The following PCYT1B variants were observed in gnomAD, a reference collection of about 807,000 sequenced individuals.
The protein encoded by PCYT1B is choline-phosphate cytidylyltransferase B.
In PCYT1B, 10 loss-of-function variants were observed where a neutral mutation model predicts 26.4. The ratio of observed to expected loss-of-function variants is 0.38; its 90% CI spans 0.23 to 0.64. The LOEUF (loss-of-function observed/expected upper bound fraction) is 0.64. Ranked by LOEUF, PCYT1B falls within the 30% of genes least tolerant of loss-of-function variation. The probability of loss-of-function intolerance (pLI) is 0.56; values close to 1 mark genes in which losing one functional copy is unlikely to be tolerated. For missense variants in PCYT1B, 161 were observed against 292.7 expected (o/e 0.55, Z 3.28); for synonymous variants, 131 against 108.4 (o/e 1.21, Z -1.29).
rs187267780 is a variant in PCYT1B, at chrX:24,633,531, G to A, written c.117+13458C>T. On this transcript the variant is annotated intron_variant, in intron 1 of 7. Coordinates refer to ENST00000379144, the MANE Select transcript of PCYT1B (RefSeq NM_004845.5). ...CTACTAAAAAATACAAAAATTAGCCGGGCGTCGTTACATGCGCCTGTAATC... is the reference window on the plus strand; with the variant it reads ...CTACTAAAAAATACAAAAATTAGCCAGGCGTCGTTACATGCGCCTGTAATC... Among the ~76,000 whole-genome samples, 327 of 110,209 alleles carry A rather than the reference G, an allele frequency of 3.0e-3. 3 individuals carry two copies. The highest frequency in any genetic ancestry group is 9.8e-3 in the African/African-American group (296 of 30,229).
At chrX:24,672,400 T>G (rs1381719811) in intron 1 of PCYT1B, among the ~76,000 whole-genome samples, 1 of 111,859 alleles carries the variant, frequency 8.9e-6, no homozygotes, top group Non-Finnish European at 1.9e-5. Context: ...AATTTGTTTT[T>G]CTTTGTCTTT....
At chrX:24,631,482 T>C (rs932209220) in intron 1 of PCYT1B, among the ~76,000 whole-genome samples, 1 of 111,474 alleles carries the variant, frequency 9.0e-6, no homozygotes, top group African/African-American at 3.3e-5. Flanking sequence ...CCTTGAATAA[T>C]GTCATTTTGT....
intron 3 of PCYT1B, among the ~76,000 whole-genome samples, chrX:24,600,358 G>T (rs1924920159): frequency 1.8e-5 from 2 of 111,410 alleles, no homozygotes; most frequent in Non-Finnish European, 3.8e-5. Flanking sequence ...GAGAACTGAG[G>T]TCACAGGGCA....
At chrX:24,581,953 A>G (rs892451024) in intron 5 of PCYT1B, among the ~76,000 whole-genome samples, 2 of 112,846 alleles carry the variant, frequency 1.8e-5, no homozygotes, top group Non-Finnish European at 3.7e-5. Context: ...GTCAGAGGAC[A>G]GTTGGGGTTT....
intron 2 of PCYT1B, among the ~76,000 whole-genome samples, chrX:24,609,171 C>CT (rs779135564): frequency 7.7e-4 from 81 of 105,343 alleles, no homozygotes; most frequent in African/African-American, 1.5e-3. Context: ...GTTTTGTTTT[C>CT]TTTTTTTTTT....
rs370932836 is a variant in PCYT1B at position 24,580,628 on chromosome X, G to A, written c.566-1170C>T. On this transcript the variant is annotated intron_variant, in intron 5 of 7. Coordinates refer to ENST00000379144, the MANE Select transcript of PCYT1B (RefSeq NM_004845.5). Reference sequence around the variant, plus strand: ...TTAAAGTCTTCAAAGATAAATGTGGGTATATCAACAGATATAGAGCTATAA... The same window carrying A: ...TTAAAGTCTTCAAAGATAAATGTGGATATATCAACAGATATAGAGCTATAA... Among the ~76,000 whole-genome samples the A allele has an allele frequency of 2.0e-4, 22 of 112,049 alleles. No individual in the cohort carries two copies. The South Asian group carries it at 8.3e-3, about 42-fold the overall frequency.
At chrX:24,648,384 T>C (rs1336599082), upstream of PCYT1B, among the ~76,000 whole-genome samples, 1 of 108,615 alleles carries the variant, frequency 9.2e-6, no homozygotes, top group Non-Finnish European at 1.9e-5. Flanking sequence ...ATCCTATTGT[T>C]ATCCTCATTT....
chrX:24,575,367 A>G (rs772974871), intron 6 of PCYT1B, 49 bp from the exon 7 acceptor site: 17 of 914,439 alleles, frequency 1.9e-5, no homozygotes, highest in Non-Finnish European at 2.4e-5. Flanking sequence ...CCAAGAGGAC[A>G]TGAGAGAGAT....
chrX:24,562,902 T>C lies in PCYT1B; in HGVS notation c.898-397A>G, dbSNP rs61762690. ...GCCACCATGCCCGGCTAATTTTGTA[T>C]TTTTAGTAGAAACGGGGTTTCACCA... is the stretch of plus-strand genomic sequence containing the variant. On this transcript the variant is annotated intron_variant, in intron 7 of 7. Coordinates refer to ENST00000379144, the MANE Select transcript of PCYT1B (RefSeq NM_004845.5). Among the ~76,000 whole-genome samples the C allele has an allele frequency of 4.8e-3, 535 of 110,328 alleles. 3 individuals are homozygous for C. The highest frequency in any genetic ancestry group is 0.017 in the African/African-American group (511 of 30,303).
intron 1 of PCYT1B, among the ~76,000 whole-genome samples, chrX:24,643,778 C>A (rs146371030): frequency 8.9e-6 from 1 of 112,140 alleles, no homozygotes; most frequent in East Asian, 2.8e-4. Flanking sequence ...TATTCACTCA[C>A]GTATGCCAGC....
Position 24,589,809 on chromosome X carries a change from G to A in PCYT1B, c.486+214C>T, listed in dbSNP as rs61761906. Among the ~76,000 whole-genome samples, 755 of 111,314 alleles carry A rather than the reference G, an allele frequency of 6.8e-3. 8 individuals are homozygous for A. Among genetic ancestry groups the A allele is most frequent in the African/African-American group, 0.024 (729 of 30,626 alleles). ...ATAGAGGCAGGATTTGGACCTGGGCGGTTTAGATCCAGGGCCCACACTCAA... is the reference window on the plus strand; with the variant it reads ...ATAGAGGCAGGATTTGGACCTGGGCAGTTTAGATCCAGGGCCCACACTCAA... On this transcript the variant is annotated intron_variant, in intron 4 of 7. Coordinates refer to ENST00000379144, the MANE Select transcript of PCYT1B (RefSeq NM_004845.5).
rs947734427 is a variant in PCYT1B at position 24,573,420 on chromosome X, C to T, written c.897+1710G>A. Reference sequence around the variant, plus strand: ...ACCTCAGGTAATCCATCCACTTCGGCCTCCCAAAGTGGGAAATTACATTTT... The same window carrying T: ...ACCTCAGGTAATCCATCCACTTCGGTCTCCCAAAGTGGGAAATTACATTTT... On this transcript the variant is annotated intron_variant, in intron 7 of 7. Transcript: ENST00000379144. Among the ~76,000 whole-genome samples the T allele has an allele frequency of 4.5e-5, 5 of 111,239 alleles. No homozygotes were observed. The East Asian group carries it at 1.4e-3, about 31-fold the overall frequency.
At chrX:24,593,280 A>G (rs1257147859) in intron 3 of PCYT1B, among the ~76,000 whole-genome samples, 1 of 110,634 alleles carries the variant, frequency 9.0e-6, no homozygotes, top group Non-Finnish European at 1.9e-5. Flanking sequence ...AATATTTATT[A>G]TTATTTACAA....
At chrX:24,587,638 T>C (rs1924413469) in intron 4 of PCYT1B, among the ~76,000 whole-genome samples, 1 of 111,866 alleles carries the variant, frequency 8.9e-6, no homozygotes, top group Non-Finnish European at 1.9e-5. Context: ...ACTCATTAAT[T>C]CTTTGAATTT....
At chrX:24,657,634 G>A (rs1250803563) in intron 1 of PCYT1B, among the ~76,000 whole-genome samples, 1 of 111,678 alleles carries the variant, frequency 9.0e-6, no homozygotes, top group Non-Finnish European at 1.9e-5. Flanking sequence ...GACCTTCAAG[G>A]TTAATAATCT....
At position 24,560,443 on chromosome X, in the gene PCYT1B, A is replaced by G. The variant is rs1219338043; in HGVS notation, c.*1850T>C. 1 of 111,847 alleles carries G rather than the reference A, an allele frequency of 8.9e-6. No individual in the cohort carries two copies. The highest frequency in any genetic ancestry group is 1.9e-5 in the Non-Finnish European group (1 of 53,159). 9.2% of individuals were successfully genotyped at this position (111,847 alleles called of 1,213,427 possible). On this transcript the variant is annotated 3_prime_UTR_variant, in exon 8 of 8. Coordinates refer to ENST00000379144, the MANE Select transcript of PCYT1B (RefSeq NM_004845.5). ...GGCCCTTGTCCCTCTCTGAAGAGCA[A>G]TATTCTGGGTGGCCCTTGACTGCAA...
chrX:24,632,705 A>G (rs770391780), intron 1 of PCYT1B: 2 of 112,570 alleles, frequency 1.8e-5, no homozygotes, highest in African/African-American at 6.5e-5. Flanking sequence ...GAGCTAAACA[A>G]GTTGATCATA....
chrX:24,665,990 C>G (rs1205982918), intron 1 of PCYT1B, among the ~76,000 whole-genome samples: 1 of 110,683 alleles, frequency 9.0e-6, no homozygotes, highest in Non-Finnish European at 1.9e-5. Flanking sequence ...TCTAACAACC[C>G]TAGGAGTCTG....
chrX:24,585,889 G>A (rs1477736869), intron 5 of PCYT1B, among the ~76,000 whole-genome samples: 3 of 110,314 alleles, frequency 2.7e-5, no homozygotes, highest in Admixed American at 9.7e-5. Context: ...ACCTGATCAC[G>A]ACACTCCCCT....
Sources: gnomAD v4.1 joint callset for allele counts (sites outside exome capture counted in the v4.1 genomes callset) on GRCh38, gnomAD v4.1.1 for gene constraint, MANE v1.5 for transcripts, NCBI Gene and HGNC (gene_info 2026-07-23, HGNC 2026-07-21) for gene names.